Variants in KIAA1549 observed in about 807,000 individuals in gnomAD.
KIAA1549 encodes KIAA1549.
KIAA1549 carries 70 observed loss-of-function variants against 156.4 expected under a neutral mutation model. That is an observed-to-expected ratio of 0.45 (90% CI 0.37 to 0.55). The LOEUF is 0.55. KIAA1549 is among the 20% of genes least tolerant of loss of function. KIAA1549 has a pLI of 0.00. For synonymous variants in KIAA1549, 1,103 were observed against 1,066.4 expected (o/e 1.03, Z -0.67); for missense variants, 2,428 against 2,540.9 (o/e 0.96, Z 0.96).
At chr7:138,971,779 C>T (rs898268268) in intron 1 of KIAA1549, among the ~76,000 whole-genome samples, 3 of 152,192 alleles carry the variant, frequency 2.0e-5, no homozygotes, top group Non-Finnish European at 4.4e-5. Flanking sequence ...CCTTTCAGTA[C>T]CAATATGTGG....
intron 1 of KIAA1549, among the ~76,000 whole-genome samples, chr7:138,949,791 C>T (rs577857593): frequency 3.3e-4 from 50 of 152,356 alleles, no homozygotes; most frequent in African/African-American, 1.2e-3. Context: ...GGCTATGACA[C>T]GCCAGACTCT....
At chr7:138,853,759 A>C (rs1360425983) in intron 16 of KIAA1549, among the ~76,000 whole-genome samples, 1 of 152,160 alleles carries the variant, frequency 6.6e-6, no homozygotes, top group Non-Finnish European at 1.5e-5. Flanking sequence ...GAAGGAAAAG[A>C]AGCTTCCATT....
In KIAA1549 at chr7:138,873,599, TA is replaced by T. The variant is rs57051860; in HGVS notation, c.4346-2238del. On this transcript the variant is annotated intron_variant, in intron 12 of 19. Transcript: ENST00000422774. Reference sequence around the variant, plus strand: ...GCTGGGAGACAAAGGTGACAGGCATTAAAAAAAAAAAAAAAAAAAGGCCCCT... The same window carrying T: ...GCTGGGAGACAAAGGTGACAGGCATTAAAAAAAAAAAAAAAAAAGGCCCCT... Among the ~76,000 whole-genome samples the T allele has an allele frequency of 8.8e-3, 933 of 105,748 alleles. 26 individuals are homozygous for T. The East Asian group carries it at 0.12, about 13-fold the overall frequency. The allele number at this position is 105,748 out of a possible 152,430, so 69.4% of individuals were successfully genotyped here. A position where few individuals can be genotyped will look rare whatever the true frequency, so the allele number is the denominator to read the frequency against.
chr7:138,947,444 AGCCAGCCCAGGGG>A (rs1034853608), intron 1 of KIAA1549, among the ~76,000 whole-genome samples: 14 of 152,132 alleles, frequency 9.2e-5, no homozygotes, highest in African/African-American at 2.7e-4. Context: ...CTCACCAAGC[AGCCAGCCCAGGGG>A]GTAGTCTCAC....
At chr7:138,916,306 T>C (rs1379004668) in intron 2 of KIAA1549, among the ~76,000 whole-genome samples, 1 of 152,262 alleles carries the variant, frequency 6.6e-6, no homozygotes, top group Non-Finnish European at 1.5e-5. Flanking sequence ...TTGTTTAAAC[T>C]ATGTCATCCA....
In KIAA1549 at chr7:138,834,053, TAGC is replaced by T. The variant is rs1809628873; in HGVS notation, c.*3850_*3852del. The stretch of plus-strand genomic sequence containing the variant: ...CTTCCTTCCACGCCATTTGCCTGGG[TAGC>T]TGCCCTGCCTTCAAAGTCACTTCAG... On this transcript the variant is annotated 3_prime_UTR_variant, in exon 20 of 20. Coordinates refer to ENST00000422774, the MANE Select transcript of KIAA1549 (RefSeq NM_001164665.2). The T allele has an allele frequency of 4.4e-6, 1 of 229,502 alleles. No homozygotes were observed. The highest frequency in any genetic ancestry group is 5.7e-5 in the Admixed American group (1 of 17,632). 14.2% of individuals were successfully genotyped at this position (229,502 alleles called of 1,614,324 possible).
At chr7:138,887,035 G>A (rs1267726218) in intron 10 of KIAA1549, among the ~76,000 whole-genome samples, 4 of 151,910 alleles carry the variant, frequency 2.6e-5, no homozygotes, top group African/African-American at 9.7e-5. Context: ...CCAACTAGCT[G>A]GGACTACAGG....
chr7:138,959,898 C>G (rs1813786673), intron 1 of KIAA1549, among the ~76,000 whole-genome samples: 1 of 152,202 alleles, frequency 6.6e-6, no homozygotes, highest in Non-Finnish European at 1.5e-5. Context: ...AAATGTCACA[C>G]CCATGTGGGA....
chr7:138,972,785 CTTCT>C (rs1391327475), intron 1 of KIAA1549, among the ~76,000 whole-genome samples: 1 of 152,044 alleles, frequency 6.6e-6, no homozygotes, highest in Non-Finnish European at 1.5e-5. Context: ...GAGGTCCTTC[CTTCT>C]ACTTCCTTAA....
At chr7:138,908,249 T>C (rs1163836458) in intron 5 of KIAA1549, among the ~76,000 whole-genome samples, 1 of 151,410 alleles carries the variant, frequency 6.6e-6, no homozygotes, top group African/African-American at 2.4e-5. Context: ...AGGAATGACT[T>C]AGGAAACAGA....
intron 5 of KIAA1549, among the ~76,000 whole-genome samples, chr7:138,907,821 C>T (rs182528971): frequency 1.3e-5 from 2 of 152,234 alleles, no homozygotes; most frequent in East Asian, 3.9e-4. Flanking sequence ...TGGGCAGAGG[C>T]TAAGATAACT....
chr7:138,906,983 G>A lies in KIAA1549; in HGVS notation c.3396C>T (p.Leu1132=), dbSNP rs772121939. The A allele has an allele frequency of 6.8e-6, 11 of 1,613,410 alleles. No homozygotes were observed. The highest frequency in any genetic ancestry group is 1.7e-5 in the Admixed American group (1 of 59,900). Residue 1132 remains leucine (L), a synonymous_variant, in exon 6 of 20, where the codon CTC becomes CTT. Transcript: ENST00000422774. ...FLNGSEVSEL[L]RNLSVVEFSF... is the part of the protein sequence containing the mutation. Reference sequence around the variant, plus strand: ...TGAACTCCACCACACTCAAGTTTCTGAGCAGCTCGCTCACTTCCGACCCAT... The same window carrying A: ...TGAACTCCACCACACTCAAGTTTCTAAGCAGCTCGCTCACTTCCGACCCAT...
chr7:138,888,175 C>T (rs1811451953), intron 10 of KIAA1549, among the ~76,000 whole-genome samples: 1 of 152,162 alleles, frequency 6.6e-6, no homozygotes, highest in African/African-American at 2.4e-5. Flanking sequence ...TGGCAGGCAC[C>T]CTTGTCCACG....
intron 1 of KIAA1549, among the ~76,000 whole-genome samples, chr7:138,952,548 C>G (rs912648305): frequency 6.6e-6 from 1 of 152,190 alleles, no homozygotes; most frequent in Non-Finnish European, 1.5e-5. Flanking sequence ...AAAGGTCACT[C>G]ATCTCTACAC....
intron 10 of KIAA1549, among the ~76,000 whole-genome samples, chr7:138,886,298 G>A (rs1254499077): frequency 1.3e-5 from 2 of 151,668 alleles, no homozygotes; most frequent in Admixed American, 1.3e-4. Context: ...TTCATTTGAT[G>A]TGGTCTCGCT....
chr7:138,925,080 C>CT (rs1563080582), intron 1 of KIAA1549, among the ~76,000 whole-genome samples: 2 of 152,130 alleles, frequency 1.3e-5, no homozygotes, highest in Non-Finnish European at 2.9e-5. Context: ...GCACCTGCAC[C>CT]TCGCCCTGGC....
intron 1 of KIAA1549, among the ~76,000 whole-genome samples, chr7:138,936,827 G>A (rs955520242): frequency 7.9e-5 from 12 of 151,024 alleles, no homozygotes; most frequent in African/African-American, 2.9e-4. Flanking sequence ...CTGATTAGAG[G>A]TGTGTGTTCC....
chr7:138,929,466 T>C (rs898081253), intron 1 of KIAA1549, among the ~76,000 whole-genome samples: 1 of 152,216 alleles, frequency 6.6e-6, no homozygotes, highest in African/African-American at 2.4e-5. Flanking sequence ...CACTGAAGTC[T>C]TGAATGCCTC....
At chr7:138,975,974 A>G (rs1278968769) in intron 1 of KIAA1549, among the ~76,000 whole-genome samples, 2 of 152,234 alleles carry the variant, frequency 1.3e-5, no homozygotes, top group African/African-American at 4.8e-5. Context: ...GGCAGGAGTG[A>G]GCATTGAAAA....
Sources: gnomAD v4.1 joint callset for allele counts (sites outside exome capture counted in the v4.1 genomes callset) on GRCh38, gnomAD v4.1.1 for gene constraint, MANE v1.5 for transcripts, NCBI Gene and HGNC (gene_info 2026-07-23, HGNC 2026-07-21) for gene names.